Variants in TRPM1 observed in about 807,000 individuals in gnomAD.
TRPM1 encodes the protein TRPM1-203 APA Isoform, Intron 10.
In TRPM1, 113 loss-of-function variants were observed where a neutral mutation model predicts 149.4. The ratio of observed to expected loss-of-function variants is 0.76; its 90% confidence interval spans 0.65 to 0.88. The LOEUF (loss-of-function observed/expected upper bound fraction) is 0.88. Among genes scored for constraint, TRPM1 ranks in the 40% least tolerant of loss-of-function variants. The pLI, the probability that TRPM1 is intolerant of heterozygous loss-of-function variation, is 0.00. For synonymous variants in TRPM1, 741 were observed against 759.5 expected (o/e 0.98, Z 0.40); for missense variants, 1,976 against 2,038.7 (o/e 0.97, Z 0.59).
intron 1 of TRPM1, among the ~76,000 whole-genome samples, chr15:31,132,578 G>A (rs1243387195): frequency 6.6e-6 from 1 of 152,230 alleles, no homozygotes; most frequent in East Asian, 1.9e-4. Flanking sequence ...AGGAAAGGAA[G>A]CCACACTGTG....
chr15:31,031,181 C>T (rs2033057379), intron 22 of TRPM1, 24 bp from the exon 23 acceptor site: 9 of 1,614,022 alleles, frequency 5.6e-6, no homozygotes, highest in Non-Finnish European at 7.6e-6. Flanking sequence ...ACATTTGTCT[C>T]TCACTGTCTT....
chr15:31,118,571 G>C (rs1378865752), intron 1 of TRPM1, among the ~76,000 whole-genome samples: 1 of 152,132 alleles, frequency 6.6e-6, no homozygotes, highest in African/African-American at 2.4e-5. Context: ...TGTAGAACGA[G>C]TGGCAACAGA....
chr15:31,110,271 C>A (rs899232794), intron 1 of TRPM1, among the ~76,000 whole-genome samples: 4 of 152,088 alleles, frequency 2.6e-5, no homozygotes, highest in African/African-American at 4.8e-5. Context: ...TGAACAATGT[C>A]TCTATGAATT....
intron 27 of TRPM1, among the ~76,000 whole-genome samples, chr15:31,021,626 C>T (rs529748815): frequency 6.6e-6 from 1 of 150,876 alleles, no homozygotes; most frequent in East Asian, 2.0e-4. Context: ...AGCCCAGGAA[C>T]TGGAGGCTGT....
intron 27 of TRPM1, among the ~76,000 whole-genome samples, chr15:31,020,108 T>A (rs1322933289): frequency 6.6e-6 from 1 of 152,272 alleles, no homozygotes; most frequent in East Asian, 1.9e-4. Context: ...CCTGGGTTTA[T>A]AGAATTCAAG....
chr15:31,149,746 C>T (rs1380005043), intron 1 of TRPM1, among the ~76,000 whole-genome samples: 8 of 152,042 alleles, frequency 5.3e-5, no homozygotes, highest in Non-Finnish European at 1.0e-4. Flanking sequence ...GTCTCGATCT[C>T]CTGACCTTGT....
chr15:31,083,758 G>A (rs886587980), intron 1 of TRPM1, among the ~76,000 whole-genome samples: 9 of 152,158 alleles, frequency 5.9e-5, no homozygotes, highest in Non-Finnish European at 2.9e-5. Flanking sequence ...GCTTCTCAGG[G>A]ATACTCTCAG....
chr15:31,160,936 C>G, exon 1 of TRPM1: 2 of 1,535,524 alleles, frequency 1.3e-6, no homozygotes, highest in Non-Finnish European at 8.7e-7. Flanking sequence ...AGCTCTTGAG[C>G]GAGCCCCGCT....
intron 1 of TRPM1, among the ~76,000 whole-genome samples, chr15:31,136,988 T>G (rs1219867719): frequency 6.6e-6 from 1 of 152,190 alleles, no homozygotes; most frequent in Non-Finnish European, 1.5e-5. Flanking sequence ...AAGGCCCTGC[T>G]CGCTCTACCT....
In TRPM1 at chr15:31,110,597, C is replaced by T. The variant is rs923090111; in HGVS notation, c.55-33613G>A. 2.0e-5 allele frequency among the ~76,000 whole-genome samples: 3 copies of T among 152,242 alleles called. No homozygotes were observed. In the East Asian group the frequency reaches 5.8e-4, roughly 29 times the overall value. On this transcript the variant is annotated intron_variant, in intron 1 of 26. Coordinates refer to the TRPM1 transcript ENST00000542188. Reference sequence around the variant, plus strand: ...AATATGCTGGCCGTTCTCCGTAGGCCGCCCAGCCTCGTCAACAGGTGAACG... The same window carrying T: ...AATATGCTGGCCGTTCTCCGTAGGCTGCCCAGCCTCGTCAACAGGTGAACG...
Position 31,002,930 on chromosome 15 carries a change from G to A in TRPM1, c.3770C>T (p.Ala1257Val), listed in dbSNP as rs757962189. 1.0e-5 allele frequency: 16 copies of A among 1,602,426 alleles called. No individual in the cohort carries two copies. Among genetic ancestry groups the A allele is most frequent in the African/African-American group, 6.7e-5 (5 of 74,398 alleles). The change falls in exon 28 of 28, where the codon GCG (alanine) becomes GTG (valine). Residue 1257 changes from alanine (A) to valine (V), a missense_variant. Ala to Val is a moderately conservative substitution (Grantham distance 64). This residue lies in a region of TRPM1 where 572 missense variants were observed against 578.9 expected (regional missense o/e 0.99). Coordinates refer to ENST00000256552, the MANE Select transcript of TRPM1 (RefSeq NM_001252024.2). ...GATCAGGTCAGACCTGTCGATTCCC[G>A]CAAGATTTTCAAGAGCATTCACCAT... is the stretch of plus-strand genomic sequence containing the variant. Reference protein sequence around the residue: ...NRMVNALENLAGIDRSDLIQA... With the variant: ...NRMVNALENLVGIDRSDLIQA...
chr15:31,040,346 T>C lies in TRPM1; in HGVS notation c.2088A>G (p.Lys696=). The C allele has an allele frequency of 6.2e-7, 1 of 1,614,054 alleles. No homozygotes were observed. Among genetic ancestry groups the C allele is most frequent in the Non-Finnish European group, 8.5e-7 (1 of 1,179,926 alleles). The change falls in exon 18 of 28, where the codon AAA becomes AAG. Residue 696 remains lysine (K), a splice_region_variant and synonymous_variant. Transcript: ENST00000256552. The surrounding 1 kb of genome is among the most constrained non-coding windows in gnomAD (Gnocchi z 4.2). ...ACTCCAAAGCAAGCTGGCCGAAGTCTCTGGGGGGAAAGAGAAGGGACCAGG... is the reference window on the plus strand; with the variant it reads ...ACTCCAAAGCAAGCTGGCCGAAGTCCCTGGGGGGAAAGAGAAGGGACCAGG... The part of the protein sequence containing the change: ...DISQDLDNNS[K]DFGQLALELL...
chr15:31,136,155 G>C (rs1359734740), intron 1 of TRPM1, among the ~76,000 whole-genome samples: 1 of 152,100 alleles, frequency 6.6e-6, no homozygotes, highest in East Asian at 1.9e-4. Context: ...GGGAGAGTGG[G>C]AGGAGGGGGT....
chr15:31,011,040 T>A (rs2032167179), intron 27 of TRPM1, among the ~76,000 whole-genome samples: 1 of 152,234 alleles, frequency 6.6e-6, no homozygotes, highest in Non-Finnish European at 1.5e-5. Flanking sequence ...TCCTTCTTTG[T>A]CTCTAGTAAC....
chr15:31,011,303 C>T (rs2032174768), intron 27 of TRPM1, among the ~76,000 whole-genome samples: 1 of 152,134 alleles, frequency 6.6e-6, no homozygotes, highest in African/African-American at 2.4e-5. Context: ...CTTACCTCTG[C>T]CATACTGCTA....
rs1380516092 is a variant in TRPM1, at chr15:31,076,810, C to T, written c.83+95G>A. 1.1e-5 allele frequency: 11 copies of T among 989,912 alleles called. No individual in the cohort carries two copies. The Admixed American group carries it at 1.4e-4, about 12-fold the overall frequency. 61.3% of individuals were successfully genotyped at this position (989,912 alleles called of 1,614,324 possible). A position where few individuals can be genotyped will look rare whatever the true frequency, so the allele number is the denominator to read the frequency against. The stretch of plus-strand genomic sequence containing the variant: ...CCCATGGGGAATGGATTCTGGCCAC[C>T]CTTCTGGACTCCTCTTTCTGCCTCT... On this transcript the variant is annotated intron_variant, in intron 3 of 27. Coordinates refer to ENST00000256552, the MANE Select transcript of TRPM1 (RefSeq NM_001252024.2).
At chr15:31,133,690 C>CAA (rs371818812) in intron 1 of TRPM1, among the ~76,000 whole-genome samples, 5 of 116,726 alleles carry the variant, frequency 4.3e-5, no homozygotes, top group African/African-American at 1.6e-4. Flanking sequence ...AAAAACAAAA[C>CAA]AAAAAAAAAA....
chr15:31,076,526 G>A (rs938166012), intron 3 of TRPM1, among the ~76,000 whole-genome samples: 7 of 152,070 alleles, frequency 4.6e-5, no homozygotes, highest in African/African-American at 1.7e-4. Flanking sequence ...TCATTCAACC[G>A]CTCAGATCTT....
At chr15:31,107,863 C>CTT (rs1274420865) in intron 1 of TRPM1, among the ~76,000 whole-genome samples, 2,185 of 143,712 alleles carry the variant, frequency 0.015, 63 homozygotes, top group African/African-American at 0.052. Context: ...CTTTTCTTTT[C>CTT]TTTTTTTTTT....
Sources: allele counts gnomAD v4.1 joint callset (sites outside exome capture counted in the v4.1 genomes callset), GRCh38; gene constraint gnomAD v4.1.1; regional missense constraint gnomAD v4.1.1; non-coding constraint Gnocchi (gnomAD v3.1); transcripts MANE v1.5; gene names NCBI Gene and HGNC (gene_info 2026-07-23, HGNC 2026-07-21).